The following TSPEAR variants were observed in gnomAD, a reference collection of about 807,000 sequenced individuals.
TSPEAR encodes thrombospondin-type laminin G domain and EAR repeat-containing protein.
In TSPEAR, 69 loss-of-function variants were observed where a neutral mutation model predicts 71.6. That is an observed-to-expected ratio of 0.96 (90% confidence interval 0.79 to 1.18). TSPEAR has a LOEUF of 1.18. TSPEAR is among the 50% of genes most tolerant of loss of function. The pLI is 0.00. For synonymous variants in TSPEAR, 402 were observed against 387.2 expected (o/e 1.04, Z -0.45); for missense variants, 971 against 894.9 (o/e 1.09, Z -1.09).
intron 1 of TSPEAR, among the ~76,000 whole-genome samples, chr21:44,663,977 A>G (rs930348914): frequency 9.9e-5 from 15 of 152,180 alleles, no homozygotes; most frequent in Non-Finnish European, 1.2e-4. Context: ...AAGAGCATCT[A>G]TGAAAAACCT....
chr21:44,538,947 C>G, intron 2 of TSPEAR: 1 of 434,896 alleles, frequency 2.3e-6, no homozygotes, highest in East Asian at 3.9e-5. Flanking sequence ...AGCTCAAAAC[C>G]ATGTGTCCCC....
chr21:44,524,147 T>C (rs142113441), intron 8 of TSPEAR, among the ~76,000 whole-genome samples: 1,638 of 151,452 alleles, frequency 0.011, 17 homozygotes, highest in Middle Eastern at 0.021. Context: ...AGGTAGTCAG[T>C]CAGCTAGTCA....
chr21:44,646,518 C>A, intron 1 of TSPEAR: 2 of 1,612,850 alleles, frequency 1.2e-6, no homozygotes, highest in Non-Finnish European at 1.7e-6. Context: ...GGCAGGTGGA[C>A]GACTGCCCAG....
chr21:44,600,121 T>G (rs1980683437), intron 1 of TSPEAR, among the ~76,000 whole-genome samples: 1 of 151,398 alleles, frequency 6.6e-6, no homozygotes, highest in African/African-American at 2.4e-5. Context: ...GTGTGGGGAG[T>G]CACTTCTAGG....
chr21:44,586,294 C>T (rs782800593), intron 1 of TSPEAR, among the ~76,000 whole-genome samples: 1 of 152,204 alleles, frequency 6.6e-6, no homozygotes, highest in Non-Finnish European at 1.5e-5. Context: ...TCAAGAAAAC[C>T]CGATCTTTTT....
Position 44,531,053 on chromosome 21 carries a change from C to T in TSPEAR, c.623G>A (p.Gly208Asp), listed in dbSNP as rs200994878. 1 of 1,613,566 alleles carries T rather than the reference C, an allele frequency of 6.2e-7. No homozygotes were observed. Residue 208 changes from glycine to aspartate, a missense_variant, in exon 4 of 12, where the codon GGC becomes GAC. Gly to Asp is a moderately conservative substitution (Grantham distance 94, BLOSUM62 -1). Coordinates refer to ENST00000323084, the MANE Select transcript of TSPEAR (RefSeq NM_144991.3). The stretch of plus-strand genomic sequence containing the variant: ...CCCCTCCATACTCGCCATGAACAGG[C>T]CTTTGGCTCTCCTCCGGCTGCCGAC... ...FFVGSRRRAK[G>D]LFMGLVRQLV...
chr21:44,500,021 A>G, intron 11 of TSPEAR, 85 bp from the exon 12 acceptor site: 2 of 1,407,854 alleles, frequency 1.4e-6, no homozygotes, highest in Non-Finnish European at 1.9e-6. Context: ...GCTGTCAGGG[A>G]CCCAGCAGCT....
At chr21:44,647,440 T>G in intron 1 of TSPEAR, 2 of 1,453,588 alleles carry the variant, frequency 1.4e-6, no homozygotes, top group South Asian at 2.6e-5. Context: ...GTCCTCAGAA[T>G]CCACCAGCTC....
chr21:44,598,734 A>G (rs1980537570), intron 1 of TSPEAR, among the ~76,000 whole-genome samples: 1 of 152,162 alleles, frequency 6.6e-6, no homozygotes, highest in Admixed American at 6.5e-5. Context: ...TAGACCCCAC[A>G]AGAGATTATA....
intron 6 of TSPEAR, among the ~76,000 whole-genome samples, chr21:44,528,074 C>T (rs893428462): frequency 9.2e-5 from 14 of 152,172 alleles, no homozygotes; most frequent in African/African-American, 3.4e-4. Flanking sequence ...GCATTGTCTT[C>T]CCATGGTTTG....
At chr21:44,667,047 T>C in intron 1 of TSPEAR, 1 of 846,172 alleles carries the variant, frequency 1.2e-6, no homozygotes, top group South Asian at 1.8e-5. Flanking sequence ...AGCTTAATTT[T>C]CTGTTGTAGG....
intron 2 of TSPEAR, among the ~76,000 whole-genome samples, chr21:44,561,327 G>A (rs889039188): frequency 3.3e-5 from 5 of 152,172 alleles, no homozygotes; most frequent in Admixed American, 1.3e-4. Flanking sequence ...TTCTGAAATT[G>A]AGGCAGTAAT....
At chr21:44,650,894 C>T (rs1555941296) in intron 1 of TSPEAR, among the ~76,000 whole-genome samples, 1 of 152,222 alleles carries the variant, frequency 6.6e-6, no homozygotes, top group East Asian at 1.9e-4. Flanking sequence ...ACAACCATGG[C>T]TTGGCTCTGA....
chr21:44,507,593 CAG>C (rs2052233330), intron 10 of TSPEAR, among the ~76,000 whole-genome samples: 1 of 152,212 alleles, frequency 6.6e-6, no homozygotes, highest in African/African-American at 2.4e-5. Context: ...CCAGTGGTGA[CAG>C]GGCCATAAGT....
At chr21:44,515,879 A>G (rs587661882) in intron 9 of TSPEAR, 37 of 152,396 alleles carry the variant, frequency 2.4e-4, no homozygotes, top group African/African-American at 8.2e-4. Context: ...GATGGGCCCC[A>G]TGAGTGAAGG....
At chr21:44,625,069 C>T (rs587749631) in intron 1 of TSPEAR, among the ~76,000 whole-genome samples, 24 of 152,298 alleles carry the variant, frequency 1.6e-4, no homozygotes, top group African/African-American at 5.1e-4. Context: ...ATAATGGAAT[C>T]GTTTTCAGAG....
intron 1 of TSPEAR, among the ~76,000 whole-genome samples, chr21:44,588,761 G>A (rs1229214238): frequency 1.6e-5 from 2 of 128,246 alleles, no homozygotes; most frequent in African/African-American, 5.5e-5. Flanking sequence ...ATATATGTAT[G>A]TGTGTATATA....
At chr21:44,568,379 C>T (rs968821425) in intron 1 of TSPEAR, among the ~76,000 whole-genome samples, 10 of 152,314 alleles carry the variant, frequency 6.6e-5, no homozygotes, top group East Asian at 1.9e-4. Context: ...CCAAAGGAAA[C>T]GCAGGAAGCG....
At chr21:44,535,033 C>CTGTTGATGTGTTGTGTT (rs2053064259) in intron 2 of TSPEAR, among the ~76,000 whole-genome samples, 1 of 152,034 alleles carries the variant, frequency 6.6e-6, no homozygotes, top group South Asian at 2.1e-4. Flanking sequence ...TGGTCACATT[C>CTGTTGATGTGTTGTGTT]ACAGAGACAA....
Sources: allele counts gnomAD v4.1 joint callset (sites outside exome capture counted in the v4.1 genomes callset), GRCh38; gene constraint gnomAD v4.1.1; transcripts MANE v1.5; gene names NCBI Gene and HGNC (gene_info 2026-07-23, HGNC 2026-07-21).